GPHN: variants seen among roughly 807,000 people sequenced by gnomAD.
The protein encoded by GPHN is gephyrin.
GPHN carries 17 observed loss-of-function variants against 95.5 expected under a neutral mutation model. The observed-to-expected ratio is 0.18, with a 90% confidence interval of 0.12 to 0.27. The LOEUF (loss-of-function observed/expected upper bound fraction) is 0.27, where lower values mean the gene tolerates loss of function less well. Ranked by LOEUF, GPHN falls within the 10% of genes least tolerant of loss-of-function variation. The pLI, the probability that GPHN is intolerant of heterozygous loss-of-function variation, is 1.00. For synonymous variants in GPHN, 320 were observed against 322.5 expected, an observed-to-expected ratio of 0.99 and a Z score of 0.08; for missense variants, 660 against 978.1, an observed-to-expected ratio of 0.67 and a Z score of 4.34.
At chr14:67,707,284 A>G in the GPHN span, among the ~76,000 whole-genome samples, 24 of 152,362 alleles carry the variant, frequency 1.6e-4, no homozygotes, top group South Asian at 1.2e-3. Context: ...ACATTAGGCA[A>G]GACTAAAATC....
chr14:67,223,351 G>C, the GPHN span, among the ~76,000 whole-genome samples: 1 of 152,210 alleles, frequency 6.6e-6, no homozygotes, highest in African/African-American at 2.4e-5. Flanking sequence ...CTGTAATGTG[G>C]TTAGGCCTAT....
the GPHN span, among the ~76,000 whole-genome samples, chr14:67,565,278 C>T: frequency 2.6e-5 from 4 of 151,994 alleles, no homozygotes; most frequent in Non-Finnish European, 5.9e-5. Flanking sequence ...GTGTCTTGCT[C>T]TGTCACTCAG....
At chr14:67,138,257 AT>A (rs1296578871) in intron 17 of GPHN, among the ~76,000 whole-genome samples, 6 of 152,150 alleles carry the variant, frequency 3.9e-5, no homozygotes, top group Admixed American at 6.5e-5. Context: ...GTGAAAATGT[AT>A]TTTTTAAAAA....
At chr14:66,730,053 A>G (rs911113650) in intron 2 of GPHN, among the ~76,000 whole-genome samples, 1 of 152,268 alleles carries the variant, frequency 6.6e-6, no homozygotes, top group Non-Finnish European at 1.5e-5. Context: ...AATGGAAACA[A>G]CAACAACTTT....
At chr14:67,556,149 G>A in the GPHN span, among the ~76,000 whole-genome samples, 1 of 152,218 alleles carries the variant, frequency 6.6e-6, no homozygotes, top group African/African-American at 2.4e-5. Flanking sequence ...ATCACATTTA[G>A]TTCTCACTCG....
At chr14:67,280,581 A>G in the GPHN span, among the ~76,000 whole-genome samples, 17 of 152,296 alleles carry the variant, frequency 1.1e-4, 2 homozygotes, top group African/African-American at 3.4e-4. Context: ...AAAGACACCA[A>G]TGGTAGAGCC....
At position 66,875,269 on chromosome 14, in the gene GPHN, G is replaced by A. The variant is rs141236579; in HGVS notation, c.295-4670G>A. On this transcript the variant is annotated intron_variant, in intron 4 of 22. Coordinates refer to ENST00000478722, the MANE Select transcript of GPHN (RefSeq NM_020806.5). ...GCTCCTGAAGGAAGCACTGAATATT[G>A]GAAGGAACAACTGGTACCAGCTACT... is the stretch of plus-strand genomic sequence containing the variant. Among the ~76,000 whole-genome samples, 59 of 152,240 alleles carry A rather than the reference G, an allele frequency of 3.9e-4. No homozygotes were observed. The East Asian group carries it at 0.01, about 26-fold the overall frequency.
chr14:66,779,976 G>T (rs2059545826), intron 3 of GPHN, among the ~76,000 whole-genome samples: 1 of 152,030 alleles, frequency 6.6e-6, no homozygotes, highest in South Asian at 2.1e-4. Flanking sequence ...ATTAGAACCT[G>T]AACTCAAGCA....
At chr14:67,516,405 G>A in the GPHN span, among the ~76,000 whole-genome samples, 2 of 152,166 alleles carry the variant, frequency 1.3e-5, no homozygotes, top group African/African-American at 2.4e-5. Flanking sequence ...GAGAGGGGGG[G>A]AAATGAGGAG....
intron 10 of GPHN, among the ~76,000 whole-genome samples, chr14:67,027,672 G>A (rs184248988): frequency 2.6e-5 from 4 of 151,708 alleles, no homozygotes; most frequent in East Asian, 1.9e-4. Context: ...GTGTTTTATC[G>A]GACAAGTGGT....
Position 67,139,580 on chromosome 14 carries a change from C to T in GPHN, c.1749-3782C>T, listed in dbSNP as rs113249188. ...GCTCTGCCATTTACTGCTCTATCTACACTTTGCCTCTCTGAATATAACTTG... is the reference window on the plus strand; with the variant it reads ...GCTCTGCCATTTACTGCTCTATCTATACTTTGCCTCTCTGAATATAACTTG... On this transcript the variant is annotated intron_variant, in intron 17 of 22. Transcript: ENST00000478722. Among the ~76,000 whole-genome samples the T allele has an allele frequency of 9.8e-5, 15 of 152,320 alleles. 2 individuals carry two copies. Among genetic ancestry groups the T allele is most frequent in the African/African-American group, 3.4e-4 (14 of 41,538 alleles).
chr14:66,579,432 A>G (rs2061056504), intron 1 of GPHN, among the ~76,000 whole-genome samples: 1 of 151,794 alleles, frequency 6.6e-6, no homozygotes, highest in South Asian at 2.1e-4. Flanking sequence ...TAAAAAAAAA[A>G]AAGTCCAAAC....
chr14:67,579,328 G>C, the GPHN span: 6 of 1,480,718 alleles, frequency 4.1e-6, no homozygotes, highest in African/African-American at 1.4e-5. Context: ...AGCTGGGCGT[G>C]CTCTTTGCCC....
At chr14:67,709,201 A>G in the GPHN span, among the ~76,000 whole-genome samples, 1 of 152,252 alleles carries the variant, frequency 6.6e-6, no homozygotes, top group Admixed American at 6.5e-5. Context: ...CACAAAATAG[A>G]ATTAATAGGT....
the GPHN span, among the ~76,000 whole-genome samples, chr14:67,448,120 CTTTTTTTTTTTTTTTTT>C: frequency 9.1e-4 from 33 of 36,080 alleles, 1 homozygote; most frequent in Middle Eastern, 0.04. Flanking sequence ...ATAGCCCATT[CTTTTTTTTTTTTTTTTT>C]TTTTTTTTTT....
At chr14:67,541,445 A>C in the GPHN span, among the ~76,000 whole-genome samples, 1 of 152,248 alleles carries the variant, frequency 6.6e-6, no homozygotes, top group East Asian at 1.9e-4. Flanking sequence ...AATTTCTCTT[A>C]GTTCTGTTTG....
chr14:67,212,267 T>C, the GPHN span, among the ~76,000 whole-genome samples: 2 of 152,024 alleles, frequency 1.3e-5, no homozygotes, highest in African/African-American at 4.8e-5. Flanking sequence ...ACAGTGTAGA[T>C]TAAAGAAAAA....
chr14:67,061,486 T>C lies in GPHN; in HGVS notation c.1144+2700T>C, dbSNP rs554498449. On this transcript the variant is annotated intron_variant, in intron 11 of 22. Transcript: ENST00000478722. ...TATTAACACTCCCTACACGCAACTC[T>C]TCAGCAGTTTTTTCATAACCTCAAG... Among the ~76,000 whole-genome samples, 11 of 152,308 alleles carry C rather than the reference T, an allele frequency of 7.2e-5. 2 individuals carry two copies. The highest frequency in any genetic ancestry group is 2.4e-4 in the African/African-American group (10 of 41,570).
chr14:66,880,056 G>T, intron 5 of GPHN, 23 bp downstream of exon 5: 1 of 1,404,836 alleles, frequency 7.1e-7, no homozygotes, highest in East Asian at 2.3e-5. Flanking sequence ...CCAACATGTT[G>T]CAAACCATTT....
Sources: allele counts gnomAD v4.1 joint callset (sites outside exome capture counted in the v4.1 genomes callset), GRCh38; gene constraint gnomAD v4.1.1; transcripts MANE v1.5; gene names NCBI Gene and HGNC (gene_info 2026-07-23, HGNC 2026-07-21).